The following SPHKAP variants were observed in gnomAD, a reference collection of about 807,000 sequenced individuals.
SPHKAP encodes the protein SPHK1 interactor, AKAP domain containing, also known as A-kinase anchor protein SPHKAP.
Under a neutral mutation model 137.5 loss-of-function variants are expected in SPHKAP, and 67 were observed. The ratio of observed to expected loss-of-function variants is 0.49; its 90% confidence interval spans 0.40 to 0.60. The LOEUF is 0.60. Ranked by LOEUF, SPHKAP falls within the 20% of genes least tolerant of loss-of-function variation. SPHKAP has a pLI of 0.00. For synonymous variants in SPHKAP, 813 were observed against 785.3 expected (o/e 1.04, Z -0.59); for missense variants, 2,097 against 2,069.3 (o/e 1.01, Z -0.26).
At chr2:228,022,257 G>A in intron 5 of SPHKAP, 2 of 904,374 alleles carry the variant, frequency 2.2e-6, no homozygotes, top group Non-Finnish European at 1.3e-6. Context: ...AGTTAAACAG[G>A]CAAAGAAGAT....
At chr2:228,053,454 T>C (rs1048741659) in intron 3 of SPHKAP, among the ~76,000 whole-genome samples, 4 of 152,224 alleles carry the variant, frequency 2.6e-5, no homozygotes, top group Non-Finnish European at 5.9e-5. Context: ...TTTAATTTAT[T>C]GCCTGGGCAT....
intron 3 of SPHKAP, among the ~76,000 whole-genome samples, chr2:228,104,450 T>C (rs1475491570): frequency 6.7e-6 from 1 of 149,966 alleles, no homozygotes; most frequent in Non-Finnish European, 1.5e-5. Context: ...ATCACGTGAG[T>C]CTAGATTCTT....
intron 1 of SPHKAP, among the ~76,000 whole-genome samples, chr2:228,146,729 G>A (rs1024673097): frequency 2.0e-5 from 3 of 152,174 alleles, no homozygotes; most frequent in African/African-American, 4.8e-5. Flanking sequence ...CAAAAGACAC[G>A]ACCTTGTTCT....
intron 2 of SPHKAP, among the ~76,000 whole-genome samples, chr2:228,124,880 T>A (rs35697317): frequency 0.092 from 14,055 of 152,260 alleles, 809 homozygotes; most frequent in Middle Eastern, 0.13. Context: ...TTTTGCAGAA[T>A]AAAATGAAAC....
intron 7 of SPHKAP, among the ~76,000 whole-genome samples, chr2:228,010,254 C>T (rs926777272): frequency 6.6e-6 from 1 of 152,162 alleles, no homozygotes; most frequent in Non-Finnish European, 1.5e-5. Context: ...GGGCCAGGCA[C>T]AGTGGCTTAT....
chr2:228,066,167 T>C (rs1696822956), intron 3 of SPHKAP, among the ~76,000 whole-genome samples: 1 of 152,194 alleles, frequency 6.6e-6, no homozygotes, highest in Admixed American at 6.5e-5. Context: ...CAGCTATTTT[T>C]CTCTAATAAT....
At position 228,016,501 on chromosome 2, in the gene SPHKAP, G is replaced by C. The variant is rs201659278; in HGVS notation, c.4353C>G (p.Ser1451Arg). 8.1e-6 allele frequency: 13 copies of C among 1,614,020 alleles called. No individual in the cohort carries two copies. In the African/African-American group the frequency reaches 1.6e-4, roughly 20 times the overall value. Residue 1451 changes from serine to arginine, a missense_variant, in exon 7 of 12, where the codon AGC becomes AGG. Physicochemically the swap from Ser to Arg is moderately radical, Grantham distance 110. Coordinates refer to ENST00000392056, the MANE Select transcript of SPHKAP (RefSeq NM_001142644.2). The part of the protein sequence containing the change: ...GEPEPFLSKS[S>R]LLEEAEGHSN... ...AATGCCCTTCTGCTTCCTCTAGGAG[G>C]CTGCTTTTGGAAAGGAAGGGTTCAG... is the stretch of plus-strand genomic sequence containing the variant.
In SPHKAP at chr2:228,016,891, G is replaced by A. The variant is rs758501786; in HGVS notation, c.3963C>T (p.Asn1321=). 3.1e-6 allele frequency: 5 copies of A among 1,614,110 alleles called. No homozygotes were observed. Among genetic ancestry groups the A allele is most frequent in the East Asian group, 2.2e-5 (1 of 44,868 alleles). ...CCTCTGCATCATCCACAATGATTTT[G>A]TTCTTGCGCATGAGAGCCTCAATGG... The part of the protein sequence containing the change: ...ASSIEALMRK[N]KIIVDDAEEA... The change falls in exon 7 of 12, where the codon AAC becomes AAT. Residue 1321 remains asparagine (N), a synonymous_variant. Transcript: ENST00000392056.
chr2:228,072,712 C>T (rs1697042275), intron 3 of SPHKAP, among the ~76,000 whole-genome samples: 1 of 152,296 alleles, frequency 6.6e-6, no homozygotes, highest in African/African-American at 2.4e-5. Flanking sequence ...AAGTCTGGCT[C>T]CATTGAAGAT....
intron 1 of SPHKAP, among the ~76,000 whole-genome samples, chr2:228,158,575 A>C (rs549013671): frequency 6.6e-6 from 1 of 152,292 alleles, no homozygotes; most frequent in African/African-American, 2.4e-5. Context: ...AAAAGATTCA[A>C]AATTCAAGAA....
At chr2:228,180,863 A>G (rs1398871376) in intron 1 of SPHKAP, among the ~76,000 whole-genome samples, 2 of 152,166 alleles carry the variant, frequency 1.3e-5, no homozygotes, top group East Asian at 3.9e-4. Flanking sequence ...GGAGAAAGAA[A>G]CACACCCCGA....
intron 3 of SPHKAP, among the ~76,000 whole-genome samples, chr2:228,030,513 C>CAAAAAAAAAAAAAAAAAAAAAACAAAAA (rs11287311): frequency 1.2e-4 from 6 of 48,772 alleles, no homozygotes; most frequent in East Asian, 6.4e-4. Flanking sequence ...GATACCATCT[C>CAAAAAAAAAAAAAAAAAAAAAACAAAAA]AAAAAAAAAA....
At chr2:228,164,093 T>C (rs911703084) in intron 1 of SPHKAP, among the ~76,000 whole-genome samples, 1 of 152,182 alleles carries the variant, frequency 6.6e-6, no homozygotes, top group Non-Finnish European at 1.5e-5. Flanking sequence ...TAGAAGAAGA[T>C]GGGATAACTT....
At chr2:228,104,243 A>G (rs1231696881) in intron 3 of SPHKAP, among the ~76,000 whole-genome samples, 2 of 134,530 alleles carry the variant, frequency 1.5e-5, no homozygotes, top group African/African-American at 2.7e-5. Context: ...ATATCATTAT[A>G]TTATATATTA....
chr2:228,092,607 T>G (rs1431861877), intron 3 of SPHKAP, among the ~76,000 whole-genome samples: 1 of 146,806 alleles, frequency 6.8e-6, no homozygotes, highest in East Asian at 2.0e-4. Context: ...TATATACATA[T>G]ATATGTGCCA....
rs141023030 is a variant in SPHKAP, at chr2:228,017,057, T to C, written c.3797A>G (p.Asn1266Ser). The C allele has an allele frequency of 3.1e-6, 5 of 1,613,782 alleles. No individual in the cohort carries two copies. In the African/African-American group the frequency reaches 5.3e-5, roughly 17 times the overall value. ...KANSLDGFAQ[N>S]CPQDFLSVQP... ...CACGCTTAGGAAATCTTGTGGGCAG[T>C]TCTGAGCAAAGCCATCTAAAGAGTT... Residue 1266 changes from asparagine (N) to serine (S), a missense_variant, in exon 7 of 12, where the codon AAC becomes AGC. Coordinates refer to ENST00000392056, the MANE Select transcript of SPHKAP (RefSeq NM_001142644.2).
At chr2:228,171,761 G>C (rs1309422506) in intron 1 of SPHKAP, among the ~76,000 whole-genome samples, 1 of 152,120 alleles carries the variant, frequency 6.6e-6, no homozygotes, top group Non-Finnish European at 1.5e-5. Context: ...AGGAAGGCAG[G>C]AACTGGGTCT....
chr2:228,044,217 A>C (rs537668306), intron 3 of SPHKAP, among the ~76,000 whole-genome samples: 84 of 152,342 alleles, frequency 5.5e-4, no homozygotes, highest in African/African-American at 1.9e-3. Context: ...TATAGGTAAA[A>C]TTTATTAAAA....
rs527998454 is a variant in SPHKAP at position 228,095,930 on chromosome 2, AG to A, written c.246+12901del. Among the ~76,000 whole-genome samples, 316 of 152,332 alleles carry A rather than the reference AG, an allele frequency of 2.1e-3. 3 individuals carry two copies. The highest frequency in any genetic ancestry group is 0.02 in the Middle Eastern group (6 of 294). ...CCAGCTGTCAGTTCCCAATAAAGTA[AG>A]GGCAGGAAATTACAGTAAGTTTCCA... On this transcript the variant is annotated intron_variant, in intron 3 of 11. Coordinates refer to ENST00000392056, the MANE Select transcript of SPHKAP (RefSeq NM_001142644.2).
Sources: allele counts gnomAD v4.1 joint callset (sites outside exome capture counted in the v4.1 genomes callset), GRCh38; gene constraint gnomAD v4.1.1; transcripts MANE v1.5; gene names NCBI Gene and HGNC (gene_info 2026-07-23, HGNC 2026-07-21).